Variants in SH2D4A observed in about 807,000 individuals in gnomAD.
SH2D4A encodes the protein SH2 domain-containing protein 4A.
SH2D4A carries 70 observed loss-of-function variants against 64.7 expected under a neutral mutation model. That is an observed-to-expected ratio of 1.08 (90% CI 0.89 to 1.32). SH2D4A has a LOEUF of 1.32. SH2D4A is among the 40% of genes most tolerant of loss of function. The pLI is 0.00. For synonymous variants in SH2D4A, 268 were observed against 200.7 expected (o/e 1.34, Z -2.83); for missense variants, 706 against 540.1 (o/e 1.31, Z -3.04).
intron 8 of SH2D4A, among the ~76,000 whole-genome samples, chr8:19,382,184 A>G (rs148367207): frequency 2.3e-4 from 35 of 152,262 alleles, no homozygotes; most frequent in Middle Eastern, 3.4e-3. Context: ...TGGCAGGTTT[A>G]GTGGTAACAA....
chr8:19,315,307 TA>T (rs2052069286), intron 1 of SH2D4A, among the ~76,000 whole-genome samples: 1 of 152,136 alleles, frequency 6.6e-6, no homozygotes, highest in Non-Finnish European at 1.5e-5. Context: ...GGCTAATTTT[TA>T]TACTTTATGT....
chr8:19,327,769 C>A (rs1360241424), intron 2 of SH2D4A, among the ~76,000 whole-genome samples: 2 of 152,174 alleles, frequency 1.3e-5, no homozygotes, highest in African/African-American at 2.4e-5. Flanking sequence ...ACTTGCTGAA[C>A]CAATAACAGG....
chr8:19,363,603 C>A (rs1001309459), intron 6 of SH2D4A, among the ~76,000 whole-genome samples: 2 of 152,152 alleles, frequency 1.3e-5, no homozygotes, highest in African/African-American at 2.4e-5. Context: ...CTCTCTGCTC[C>A]TTCACCCTAT....
chr8:19,330,014 G>A (rs2052345345), intron 2 of SH2D4A, among the ~76,000 whole-genome samples: 1 of 152,186 alleles, frequency 6.6e-6, no homozygotes, highest in Non-Finnish European at 1.5e-5. Context: ...ATCACCTAAT[G>A]TCTTGCTCCT....
chr8:19,314,073 T>C, intron 1 of SH2D4A: 3 of 1,022,386 alleles, frequency 2.9e-6, no homozygotes, highest in Non-Finnish European at 2.3e-6. Context: ...CTGGAGCCGC[T>C]GGCTAGGTGA....
intron 2 of SH2D4A, among the ~76,000 whole-genome samples, chr8:19,320,964 C>T (rs2052179337): frequency 6.6e-6 from 1 of 152,166 alleles, no homozygotes; most frequent in African/African-American, 2.4e-5. Context: ...GTGTAGCGTC[C>T]TTTACTTTTT....
At chr8:19,352,698 C>T (rs1487168986) in intron 4 of SH2D4A, among the ~76,000 whole-genome samples, 1 of 152,100 alleles carries the variant, frequency 6.6e-6, no homozygotes, top group Non-Finnish European at 1.5e-5. Context: ...GGGTCCCTGT[C>T]CTCCTACCTA....
In SH2D4A at chr8:19,334,771, A is replaced by G. The variant is rs755885782; in HGVS notation, c.427A>G (p.Lys143Glu). 1 of 1,614,168 alleles carries G rather than the reference A, an allele frequency of 6.2e-7. No homozygotes were observed. Residue 143 changes from lysine (K) to glutamate (E), a missense_variant, in exon 4 of 10, where the codon AAA becomes GAA. By Grantham distance (56) the Lys-to-Glu change is moderately conservative. Coordinates refer to ENST00000265807, the MANE Select transcript of SH2D4A (RefSeq NM_022071.4). Reference sequence around the variant, plus strand: ...GCAGGCTCCGGATAACCAGCAGACTAAAGACATCTGGAAGAAAGTGGCAGA... The same window carrying G: ...GCAGGCTCCGGATAACCAGCAGACTGAAGACATCTGGAAGAAAGTGGCAGA... ...DLQAPDNQQT[K>E]DIWKKVAEKE...
At chr8:19,329,867 A>C (rs2052343328) in intron 2 of SH2D4A, among the ~76,000 whole-genome samples, 2 of 152,184 alleles carry the variant, frequency 1.3e-5, no homozygotes, top group African/African-American at 4.8e-5. Context: ...ATGAAACTTT[A>C]AGTAATTAAA....
At position 19,393,410 on chromosome 8, in the gene SH2D4A, T is replaced by TATG; in HGVS notation, c.1142_1144dup (p.Tyr381_Ala382insAsp). The stretch of plus-strand genomic sequence containing the variant: ...CCGAGTCAGTGAAAGGATCAAAGGC[T>TATG]ATGCCCTGTCCTATCTGTCGGAGGA... On this transcript the variant is annotated inframe_insertion, in exon 9 of 10. Transcript: ENST00000265807. The TATG allele has an allele frequency of 6.2e-7, 1 of 1,614,186 alleles. No individual in the cohort carries two copies. The highest frequency in any genetic ancestry group is 8.5e-7 in the Non-Finnish European group (1 of 1,179,986).
At chr8:19,316,739 C>T (rs746724320) in intron 1 of SH2D4A, among the ~76,000 whole-genome samples, 2 of 152,212 alleles carry the variant, frequency 1.3e-5, no homozygotes, top group Non-Finnish European at 2.9e-5. Flanking sequence ...CAAATAAACT[C>T]ACAAAAAGGC....
chr8:19,313,875 A>C (rs1035160576), intron 1 of SH2D4A, 52 bp downstream of exon 1: 1 of 1,396,100 alleles, frequency 7.2e-7, no homozygotes, highest in African/African-American at 1.5e-5. Flanking sequence ...GTGGGGTGGG[A>C]GTAGGGGGAA....
At chr8:19,336,019 C>T (rs1325374990) in intron 4 of SH2D4A, among the ~76,000 whole-genome samples, 1 of 152,144 alleles carries the variant, frequency 6.6e-6, no homozygotes, top group Admixed American at 6.5e-5. Flanking sequence ...ACAGGTATCT[C>T]CTGCCTCCTC....
chr8:19,319,252 T>G, intron 1 of SH2D4A, 92 bp from the exon 2 acceptor site: 1 of 960,550 alleles, frequency 1.0e-6, no homozygotes, highest in Non-Finnish European at 1.3e-6. Context: ...AGTGATACTG[T>G]GTTTCCTCCT....
At chr8:19,377,453 T>A (rs1232872723) in intron 8 of SH2D4A, among the ~76,000 whole-genome samples, 1 of 152,222 alleles carries the variant, frequency 6.6e-6, no homozygotes, top group African/African-American at 2.4e-5. Flanking sequence ...TTCCTTTCCT[T>A]GTATCCTTCA....
chr8:19,385,493 G>GCCTGGCCACAC (rs2053373419), intron 8 of SH2D4A, among the ~76,000 whole-genome samples: 4 of 152,036 alleles, frequency 2.6e-5, no homozygotes, highest in African/African-American at 9.7e-5. Context: ...GAGCCACCAC[G>GCCTGGCCACAC]CCTGGCCACA....
At chr8:19,349,344 C>T (rs1357883259) in intron 4 of SH2D4A, among the ~76,000 whole-genome samples, 1 of 151,932 alleles carries the variant, frequency 6.6e-6, no homozygotes, top group Non-Finnish European at 1.5e-5. Flanking sequence ...AATGCTAGCA[C>T]CTTAAAATTC....
At chr8:19,374,812 A>G (rs930325408) in intron 8 of SH2D4A, among the ~76,000 whole-genome samples, 2 of 152,130 alleles carry the variant, frequency 1.3e-5, no homozygotes, top group Non-Finnish European at 2.9e-5. Flanking sequence ...TCAAAGATGA[A>G]CAGAAAGAAC....
chr8:19,345,155 T>G (rs1011875938), intron 4 of SH2D4A, among the ~76,000 whole-genome samples: 4 of 152,222 alleles, frequency 2.6e-5, no homozygotes, highest in Admixed American at 2.0e-4. Flanking sequence ...CTTCCTATGC[T>G]GCCCCTGGGA....
Sources: allele counts gnomAD v4.1 joint callset (sites outside exome capture counted in the v4.1 genomes callset), GRCh38; gene constraint gnomAD v4.1.1; transcripts MANE v1.5; gene names NCBI Gene and HGNC (gene_info 2026-07-23, HGNC 2026-07-21).